PARD3: variants seen among roughly 807,000 people sequenced by gnomAD.
PARD3 encodes the protein partitioning defective 3 homolog.
Under a neutral mutation model 155.4 loss-of-function variants are expected in PARD3, and 75 were observed. The ratio of observed to expected loss-of-function variants is 0.48; its 90% CI spans 0.40 to 0.58. PARD3 has a LOEUF of 0.58. PARD3 is among the 20% of genes least tolerant of loss of function. The pLI, the probability that PARD3 is intolerant of heterozygous loss-of-function variation, is 0.00. For synonymous variants in PARD3, 576 were observed against 610.5 expected (o/e 0.94, Z 0.83); for missense variants, 1,642 against 1,721.7 (o/e 0.95, Z 0.82).
At chr10:34,618,430 T>C (rs901903544) in intron 2 of PARD3, among the ~76,000 whole-genome samples, 2 of 152,184 alleles carry the variant, frequency 1.3e-5, no homozygotes, top group African/African-American at 4.8e-5. Context: ...TGACATCTTG[T>C]ACTGTGAAGT....
At chr10:34,352,702 C>T (rs1838252554) in intron 14 of PARD3, among the ~76,000 whole-genome samples, 1 of 152,242 alleles carries the variant, frequency 6.6e-6, no homozygotes, top group African/African-American at 2.4e-5. Context: ...CTACAATCTC[C>T]ACCTCGCAGC....
intron 22 of PARD3, among the ~76,000 whole-genome samples, chr10:34,155,546 G>C (rs1413658349): frequency 1.3e-5 from 2 of 152,136 alleles, no homozygotes; most frequent in Non-Finnish European, 2.9e-5. Context: ...TTGGGAATTG[G>C]AGGTACTGGG....
At chr10:34,148,790 G>C (rs1336653616) in intron 22 of PARD3, among the ~76,000 whole-genome samples, 5 of 152,018 alleles carry the variant, frequency 3.3e-5, no homozygotes, top group Admixed American at 3.3e-4. Flanking sequence ...CCAATAAAAG[G>C]AGACCCCACA....
chr10:34,155,037 T>C (rs1948942457), intron 22 of PARD3, among the ~76,000 whole-genome samples: 1 of 152,162 alleles, frequency 6.6e-6, no homozygotes, highest in Admixed American at 6.5e-5. Flanking sequence ...GTGTATGATT[T>C]TGGGGAAAAT....
At chr10:34,519,460 GT>G (rs2081991232) in intron 2 of PARD3, among the ~76,000 whole-genome samples, 1 of 152,028 alleles carries the variant, frequency 6.6e-6, no homozygotes, top group Non-Finnish European at 1.5e-5. Flanking sequence ...AAATAAAAAA[GT>G]ACTCTATGTC....
At chr10:34,250,146 G>C (rs1175439489) in intron 22 of PARD3, among the ~76,000 whole-genome samples, 2 of 146,636 alleles carry the variant, frequency 1.4e-5, no homozygotes, top group Admixed American at 1.3e-4. Context: ...AAAGAAAACT[G>C]CTCCCCCTCC....
intron 1 of PARD3, among the ~76,000 whole-genome samples, chr10:34,788,684 C>G (rs903884761): frequency 9.9e-5 from 15 of 152,066 alleles, no homozygotes; most frequent in Non-Finnish European, 2.9e-5. Context: ...TCTTGTAGGT[C>G]TGGTTCTTTA....
chr10:34,614,799 T>C (rs1243797078), intron 2 of PARD3, among the ~76,000 whole-genome samples: 1 of 152,156 alleles, frequency 6.6e-6, no homozygotes, highest in African/African-American at 2.4e-5. Flanking sequence ...CTAAAATTTA[T>C]ATGAAACCAC....
chr10:34,511,112 G>A (rs1358965586), intron 3 of PARD3, among the ~76,000 whole-genome samples: 3 of 152,108 alleles, frequency 2.0e-5, no homozygotes, highest in Admixed American at 6.5e-5. Context: ...TGAAGAACGT[G>A]GGCCATTTGT....
intron 1 of PARD3, among the ~76,000 whole-genome samples, chr10:34,794,551 C>T (rs1842041394): frequency 6.6e-6 from 1 of 152,144 alleles, no homozygotes; most frequent in Non-Finnish European, 1.5e-5. Context: ...TACTGCATTC[C>T]CACCTCTGTG....
intron 22 of PARD3, among the ~76,000 whole-genome samples, chr10:34,136,543 A>G (rs939949530): frequency 1.3e-5 from 2 of 152,160 alleles, no homozygotes; most frequent in Non-Finnish European, 2.9e-5. Flanking sequence ...TGCTTCCCAT[A>G]GCAGGGGGGA....
At chr10:34,579,554 C>CTGTGTG (rs554959827) in intron 2 of PARD3, among the ~76,000 whole-genome samples, 17,905 of 122,268 alleles carry the variant, frequency 0.15, 1,170 homozygotes, top group East Asian at 0.27. Context: ...ACCATTTTCT[C>CTGTGTG]TGTGTGTGTG....
intron 2 of PARD3, among the ~76,000 whole-genome samples, chr10:34,672,591 G>A (rs1340160261): frequency 6.6e-6 from 1 of 152,208 alleles, no homozygotes; most frequent in East Asian, 1.9e-4. Context: ...GCCAAGGCAG[G>A]AGGACTGCTC....
chr10:34,764,309 T>C (rs1411341811), intron 1 of PARD3, among the ~76,000 whole-genome samples: 2 of 152,224 alleles, frequency 1.3e-5, no homozygotes, highest in African/African-American at 2.4e-5. Flanking sequence ...CTCCTAATTA[T>C]ACACTCACCT....
At chr10:34,296,884 AG>A (rs1437613878) in intron 20 of PARD3, among the ~76,000 whole-genome samples, 2 of 152,230 alleles carry the variant, frequency 1.3e-5, no homozygotes, top group African/African-American at 4.8e-5. Context: ...TGGGAGGCTG[AG>A]GTCAAATGAG....
chr10:34,797,813 A>G (rs754819664), intron 1 of PARD3, among the ~76,000 whole-genome samples: 2 of 152,186 alleles, frequency 1.3e-5, no homozygotes, highest in African/African-American at 4.8e-5. Context: ...TCTGTTTAGT[A>G]GAAGTGGCTA....
intron 1 of PARD3, among the ~76,000 whole-genome samples, chr10:34,711,466 A>G (rs1461827615): frequency 6.6e-6 from 1 of 152,164 alleles, no homozygotes; most frequent in Non-Finnish European, 1.5e-5. Flanking sequence ...GGCTGCAGTG[A>G]GCCAAGACGG....
At chr10:34,707,244 C>CAAA (rs774551239) in intron 1 of PARD3, among the ~76,000 whole-genome samples, 9 of 102,886 alleles carry the variant, frequency 8.7e-5, no homozygotes, top group African/African-American at 3.2e-4. Flanking sequence ...GACCCTGTCT[C>CAAA]AAAAAAAAAA....
intron 2 of PARD3, among the ~76,000 whole-genome samples, chr10:34,604,643 AATAT>A (rs1306010967): frequency 6.7e-6 from 1 of 148,688 alleles, no homozygotes; most frequent in Admixed American, 6.7e-5. Flanking sequence ...TGATATATAA[AATAT>A]ATAGAGATCC....
Sources: gnomAD v4.1 joint callset for allele counts (sites outside exome capture counted in the v4.1 genomes callset) on GRCh38, gnomAD v4.1.1 for gene constraint, MANE v1.5 for transcripts, NCBI Gene and HGNC (gene_info 2026-07-23, HGNC 2026-07-21) for gene names.